The following PCNT variants were observed in gnomAD, a reference collection of about 807,000 sequenced individuals.
PCNT encodes the protein pericentrin, also known as kendrin.
A neutral mutation model predicts 380.4 loss-of-function variants in PCNT; 319 were observed. That is an observed-to-expected ratio of 0.84 (90% CI 0.77 to 0.92). The LOEUF (loss-of-function observed/expected upper bound fraction) is 0.92, where lower values mean the gene tolerates loss of function less well. Ranked by LOEUF, PCNT falls within the 40% of genes least tolerant of loss-of-function variation. The pLI, the probability that PCNT is intolerant of heterozygous loss-of-function variation, is 0.00. For missense variants in PCNT, 4,400 were observed against 4,255.3 expected, an observed-to-expected ratio of 1.03 and a Z score of -0.95; for synonymous variants, 1,845 against 1,735.2, an observed-to-expected ratio of 1.06 and a Z score of -1.57.
chr21:46,324,873 C>T (rs1439029669), intron 1 of PCNT: 5 of 985,330 alleles, frequency 5.1e-6, no homozygotes, highest in Admixed American at 1.2e-4. Flanking sequence ...ATGCTTTCCC[C>T]GCGCGTTTCT....
chr21:46,430,626 AGAGG>A lies in PCNT; in HGVS notation c.8037_8040del (p.Glu2680AlafsTer28). The A allele has an allele frequency of 1.3e-6, 2 of 1,570,592 alleles. No homozygotes were observed. Among genetic ancestry groups the A allele is most frequent in the Non-Finnish European group, 1.7e-6 (2 of 1,158,494 alleles). On this transcript the variant is annotated frameshift_variant, in exon 37 of 47. Transcript: ENST00000359568. LOFTEE classifies it high-confidence loss of function. ...GAGGAGGAGCAGCTGCGGCACCTGC[AGAGG>A]GAGAGCCAGAGTGCCAAGGCCCTGG...
chr21:46,404,283 A>G (rs2086557219), intron 27 of PCNT, among the ~76,000 whole-genome samples: 1 of 152,274 alleles, frequency 6.6e-6, no homozygotes, highest in Admixed American at 6.5e-5. Context: ...CCATTTTTCC[A>G]ATTTAAAACT....
chr21:46,441,458 C>T (rs920008960), intron 43 of PCNT, among the ~76,000 whole-genome samples: 4 of 152,208 alleles, frequency 2.6e-5, no homozygotes, highest in Non-Finnish European at 5.9e-5. Context: ...CACGCGCGGG[C>T]CTGTCTGGAG....
intron 10 of PCNT, 44 bp downstream of exon 10, chr21:46,353,370 G>C (rs1338459924): frequency 6.6e-7 from 1 of 1,517,112 alleles, no homozygotes; most frequent in Non-Finnish European, 9.2e-7. Context: ...TGCCATACAG[G>C]GGCCAGGCTC....
chr21:46,409,485 G>A (rs7276637), intron 27 of PCNT, among the ~76,000 whole-genome samples: 48,938 of 152,080 alleles, frequency 0.32, 8,422 homozygotes, highest in East Asian at 0.42. Context: ...ACTGTGCCCC[G>A]CCAGATTATA....
chr21:46,344,002 T>C (rs949159295), intron 3 of PCNT, among the ~76,000 whole-genome samples: 4 of 152,174 alleles, frequency 2.6e-5, no homozygotes, highest in African/African-American at 7.2e-5. Flanking sequence ...ATTTGGATCT[T>C]CTCTCTTCCT....
rs111962882 is a variant in PCNT, at chr21:46,421,877, G to A, written c.7025-93G>A. On this transcript the variant is annotated intron_variant, in intron 31 of 46. Coordinates refer to ENST00000359568, the MANE Select transcript of PCNT (RefSeq NM_006031.6). ...CGGTGTGGTTGTCGCTGGGGACTGC[G>A]GGCCGATCACCCCTGTCCTGCCTCT... The A allele has an allele frequency of 0.052, 72,873 of 1,393,176 alleles. 2,243 individuals are homozygous for A. Among genetic ancestry groups the A allele is most frequent in the Non-Finnish European group, 0.059 (58,858 of 995,562 alleles). 86.3% of individuals were successfully genotyped at this position (1,393,176 alleles called of 1,614,324 possible). A position where few individuals can be genotyped will look rare whatever the true frequency, so the allele number is the denominator to read the frequency against.
At chr21:46,344,716 C>T (rs137975214) in intron 3 of PCNT, among the ~76,000 whole-genome samples, 41 of 152,334 alleles carry the variant, frequency 2.7e-4, no homozygotes, top group African/African-American at 7.2e-4. Flanking sequence ...AGGCGCCAGT[C>T]GAGGGGCAGG....
intron 46 of PCNT, among the ~76,000 whole-genome samples, 193 bp downstream of exon 46, chr21:46,445,014 T>TGATACGTGC (rs2053717323): frequency 6.6e-6 from 1 of 152,226 alleles, no homozygotes; most frequent in African/African-American, 2.4e-5. Flanking sequence ...GTGTACTCAG[T>TGATACGTGC]GATACGTGCT....
At chr21:46,341,987 C>T (rs2083923185) in intron 3 of PCNT, among the ~76,000 whole-genome samples, 1 of 150,346 alleles carries the variant, frequency 6.7e-6, no homozygotes, top group South Asian at 2.1e-4. Context: ...TGTTGCCCAG[C>T]CTCGAGTGTG....
In PCNT at chr21:46,411,513, A is replaced by G; in HGVS notation, c.5440A>G (p.Ser1814Gly). ...GCTGGCTGACCAGGAGCGCAGGCAC[A>G]GCCAGGCCCTGGAGGCCCTGCAGCA... The part of the protein sequence containing the change: ...RLLADQERRH[S>G]QALEALQQRL... Residue 1814 changes from serine to glycine, a missense_variant, in exon 28 of 47, where the codon AGC becomes GGC. Transcript: ENST00000359568. The G allele has an allele frequency of 6.2e-7, 1 of 1,609,714 alleles. No homozygotes were observed. The highest frequency in any genetic ancestry group is 8.5e-7 in the Non-Finnish European group (1 of 1,178,476).
In PCNT at chr21:46,438,447, G is replaced by A. The variant is rs186634306; in HGVS notation, c.9273+110G>A. The A allele has an allele frequency of 2.6e-4, 242 of 935,856 alleles. No individual in the cohort carries two copies. In the East Asian group the frequency reaches 5.5e-3, roughly 21 times the overall value. 58.0% of individuals were successfully genotyped at this position (935,856 alleles called of 1,614,324 possible). On this transcript the variant is annotated intron_variant, in intron 41 of 46. Transcript: ENST00000359568. ...CCTTTAGGGACCTGGGGATGTGGGCGTCACCTTCTCCCTAACCGCCAGGCT... is the reference window on the plus strand; with the variant it reads ...CCTTTAGGGACCTGGGGATGTGGGCATCACCTTCTCCCTAACCGCCAGGCT...
intron 41 of PCNT, among the ~76,000 whole-genome samples, chr21:46,438,574 G>A (rs569901823): frequency 4.5e-4 from 68 of 152,026 alleles, no homozygotes; most frequent in Non-Finnish European, 6.5e-4. Context: ...GACCCTGACC[G>A]CTACTTGATG....
Position 46,432,333 on chromosome 21 carries a change from G to A in PCNT, c.8751+118G>A, listed in dbSNP as rs965943274. On this transcript the variant is annotated intron_variant, in intron 38 of 46. Coordinates refer to ENST00000359568, the MANE Select transcript of PCNT (RefSeq NM_006031.6). ...TGGCCCTCTGACCTGGTCTGCTCTGGTCTGTGTGCCCTGACGCTGGCACCA... is the reference window on the plus strand; with the variant it reads ...TGGCCCTCTGACCTGGTCTGCTCTGATCTGTGTGCCCTGACGCTGGCACCA... The A allele has an allele frequency of 8.2e-6, 8 of 973,912 alleles. No individual in the cohort carries two copies. The Admixed American group carries it at 1.6e-4, about 19-fold the overall frequency. The allele number at this position is 973,912 out of a possible 1,614,324, so 60.3% of individuals were successfully genotyped here.
At chr21:46,440,461 C>A (rs2053577358) in intron 42 of PCNT, among the ~76,000 whole-genome samples, 1 of 152,256 alleles carries the variant, frequency 6.6e-6, no homozygotes, top group South Asian at 2.1e-4. Context: ...CCTCTGCAGC[C>A]TGAGGGAGGC....
chr21:46,387,213 C>T (rs987859588), intron 17 of PCNT, among the ~76,000 whole-genome samples: 3 of 152,320 alleles, frequency 2.0e-5, no homozygotes, highest in South Asian at 4.1e-4. Flanking sequence ...AGGGTCCATC[C>T]GTGTGTGGGG....
intron 22 of PCNT, 36 bp from the exon 23 acceptor site, chr21:46,397,978 G>A (rs1046355282): frequency 3.9e-6 from 6 of 1,523,846 alleles, no homozygotes; most frequent in East Asian, 2.4e-5. Flanking sequence ...CGCCAGCCCC[G>A]TTGGGGTGGT....
intron 27 of PCNT, among the ~76,000 whole-genome samples, chr21:46,402,948 C>T (rs2086477965): frequency 6.6e-6 from 1 of 152,140 alleles, no homozygotes; most frequent in Admixed American, 6.5e-5. Context: ...ATTAAAAAAT[C>T]TATTTTTAAA....
chr21:46,425,939 C>A lies in PCNT; in HGVS notation c.7288C>A (p.Gln2430Lys). The A allele has an allele frequency of 6.2e-7, 1 of 1,614,118 alleles. No individual in the cohort carries two copies. Among genetic ancestry groups the A allele is most frequent in the Non-Finnish European group, 8.5e-7 (1 of 1,180,028 alleles). Residue 2430 changes from glutamine to lysine, a missense_variant, in exon 33 of 47, where the codon CAG becomes AAG. By Grantham distance (53) the Gln-to-Lys change is moderately conservative. Coordinates refer to ENST00000359568, the MANE Select transcript of PCNT (RefSeq NM_006031.6). This position sits in a 1 kb window ranked among gnomAD's most constrained non-coding sequence, Gnocchi z 4.2. ...CCCACCCCGGAAGGAAGACGAGATA[C>A]AGGACATCTCGCTCCATGGGGGAAA... The part of the protein sequence containing the change: ...PHPPRKEDEI[Q>K]DISLHGGKTQ...
Sources: gnomAD v4.1 joint callset for allele counts (sites outside exome capture counted in the v4.1 genomes callset) on GRCh38, gnomAD v4.1.1 for gene constraint, Gnocchi (gnomAD v3.1) non-coding constraint, MANE v1.5 for transcripts, NCBI Gene and HGNC (gene_info 2026-07-23, HGNC 2026-07-21) for gene names.